Variants in IGF1R observed in about 807,000 individuals in gnomAD.
IGF1R encodes insulin like growth factor 1 receptor, also known as insulin-like growth factor 1 receptor.
In IGF1R, 44 loss-of-function variants were observed where a neutral mutation model predicts 144.6. That is an observed-to-expected ratio of 0.30 (90% CI 0.24 to 0.39). The LOEUF (loss-of-function observed/expected upper bound fraction) is 0.39, where lower values mean the gene tolerates loss of function less well. IGF1R is among the 10% of genes least tolerant of loss of function. The pLI, the probability that IGF1R is intolerant of heterozygous loss-of-function variation, is 1.00. For synonymous variants in IGF1R, 795 were observed against 722.8 expected, an observed-to-expected ratio of 1.10 and a Z score of -1.60; for missense variants, 1,355 against 1,833.7, an observed-to-expected ratio of 0.74 and a Z score of 4.77.
intron 20 of IGF1R, among the ~76,000 whole-genome samples, chr15:98,949,631 A>G (rs2016695837): frequency 6.6e-6 from 1 of 152,184 alleles, no homozygotes; most frequent in South Asian, 2.1e-4. Context: ...TCAGCCTCCC[A>G]AAGTGCTGGG....
intron 1 of IGF1R, among the ~76,000 whole-genome samples, chr15:98,699,290 C>G (rs571071995): frequency 6.6e-6 from 1 of 152,272 alleles, no homozygotes; most frequent in Admixed American, 6.5e-5. Flanking sequence ...AGGTGCTGCC[C>G]CTCGGAAGGC....
chr15:98,707,555 C>A lies in IGF1R; in HGVS notation c.95-7C>A. The A allele has an allele frequency of 1.2e-6, 2 of 1,614,028 alleles. No homozygotes were observed. Among genetic ancestry groups the A allele is most frequent in the Non-Finnish European group, 1.7e-6 (2 of 1,179,924 alleles). On this transcript the variant is annotated splice_polypyrimidine_tract_variant and splice_region_variant and intron_variant, in intron 1 of 20. Transcript: ENST00000650285. This position sits in a 1 kb window ranked among gnomAD's most constrained non-coding sequence, Gnocchi z 6.7. ...ACTGAGACGTTTACCCTCTTGTCTC[C>A]CTTCAGTCTGCGGGCCAGGCATCGA...
In IGF1R at chr15:98,960,228, C is replaced by A. The variant is rs1030896415; in HGVS notation, c.*2786C>A. The A allele has an allele frequency of 4.3e-6, 1 of 233,570 alleles. No individual in the cohort carries two copies. The highest frequency in any genetic ancestry group is 2.2e-5 in the African/African-American group (1 of 45,376). The allele number at this position is 233,570 out of a possible 1,614,324, so 14.5% of individuals were successfully genotyped here. A position where few individuals can be genotyped will look rare whatever the true frequency, so the allele number is the denominator to read the frequency against. ...GCTGTATTCCGGGGTCAAAGCAACA[C>A]TAACTCACCTCTCTGCTCATTTCAG... is the stretch of plus-strand genomic sequence containing the variant. On this transcript the variant is annotated 3_prime_UTR_variant, in exon 21 of 21. Coordinates refer to ENST00000650285, the MANE Select transcript of IGF1R (RefSeq NM_000875.5).
At chr15:98,901,561 C>G (rs1319864196) in intron 5 of IGF1R, among the ~76,000 whole-genome samples, 2 of 152,158 alleles carry the variant, frequency 1.3e-5, no homozygotes, top group Non-Finnish European at 2.9e-5. Flanking sequence ...TAGGTCTGGC[C>G]CCTTCACTAG....
chr15:98,878,397 TTTAG>T (rs2013170153), intron 2 of IGF1R, among the ~76,000 whole-genome samples: 1 of 152,080 alleles, frequency 6.6e-6, no homozygotes, highest in Non-Finnish European at 1.5e-5. Flanking sequence ...TCAATTCCAC[TTTAG>T]TTAGTCATGG....
In IGF1R at chr15:98,911,298, T is replaced by G. The variant is rs2015005499; in HGVS notation, c.1463-17T>G. On this transcript the variant is annotated splice_polypyrimidine_tract_variant and intron_variant, in intron 6 of 20. Coordinates refer to ENST00000650285, the MANE Select transcript of IGF1R (RefSeq NM_000875.5). ...CACATGAATCTCTGTCACTCACGGA[T>G]GTACTCTTTGCCCCAGGTGAAAGTG... The G allele has an allele frequency of 6.2e-7, 1 of 1,614,012 alleles. No individual in the cohort carries two copies.
At position 98,935,063 on chromosome 15, in the gene IGF1R, A is replaced by G. The variant is rs898656585; in HGVS notation, c.3186+10A>G. On this transcript the variant is annotated intron_variant, in intron 16 of 20. Coordinates refer to ENST00000650285, the MANE Select transcript of IGF1R (RefSeq NM_000875.5). This position sits in a 1 kb window ranked among gnomAD's most constrained non-coding sequence, Gnocchi z 4.2. The stretch of plus-strand genomic sequence containing the variant: ...CAATTGTCACCATGTGGTAAGAGAA[A>G]GTTCCTGAAAAGCCAAAATGCAGCA... The G allele has an allele frequency of 2.5e-6, 4 of 1,608,686 alleles. No individual in the cohort carries two copies. The highest frequency in any genetic ancestry group is 3.3e-5 in the Admixed American group (2 of 59,992).
intron 2 of IGF1R, among the ~76,000 whole-genome samples, chr15:98,854,616 C>G (rs1567162935): frequency 6.6e-6 from 1 of 152,168 alleles, no homozygotes; most frequent in Non-Finnish European, 1.5e-5. Context: ...TTTTTCCATG[C>G]CAACAGCCTC....
chr15:98,778,243 A>G (rs1056463514), intron 2 of IGF1R, among the ~76,000 whole-genome samples: 4 of 152,204 alleles, frequency 2.6e-5, no homozygotes, highest in African/African-American at 9.6e-5. Flanking sequence ...GTGACTGGTT[A>G]TCTTAGTCGT....
At chr15:98,685,699 C>T (rs2053310150) in intron 1 of IGF1R, among the ~76,000 whole-genome samples, 1 of 152,170 alleles carries the variant, frequency 6.6e-6, no homozygotes, top group Non-Finnish European at 1.5e-5. Context: ...GAAGATGGAA[C>T]AGGAGTGTGC....
intron 3 of IGF1R, among the ~76,000 whole-genome samples, chr15:98,894,514 A>T (rs995454902): frequency 1.3e-5 from 2 of 152,230 alleles, no homozygotes; most frequent in African/African-American, 2.4e-5. Context: ...ATTGAAGTAC[A>T]CTACTTGGAT....
intron 2 of IGF1R, among the ~76,000 whole-genome samples, chr15:98,811,364 C>CA (rs60239385): frequency 0.014 from 1,500 of 107,850 alleles, 18 homozygotes; most frequent in African/African-American, 0.034. Context: ...ACTAAAAATA[C>CA]AAAAAAAAAA....
chr15:98,955,651 T>C (rs1173692444), intron 20 of IGF1R, among the ~76,000 whole-genome samples: 1 of 151,874 alleles, frequency 6.6e-6, no homozygotes, highest in Admixed American at 6.6e-5. Context: ...GGTTGCACCT[T>C]CTCCACCTGA....
In IGF1R at chr15:98,822,490, A is replaced by AGTT. The variant is rs45563632; in HGVS notation, c.641-68834_641-68833insTTG. Among the ~76,000 whole-genome samples the AGTT allele has an allele frequency of 5.2e-3, 785 of 152,370 alleles. 9 individuals are homozygous for AGTT. The highest frequency in any genetic ancestry group is 0.018 in the African/African-American group (743 of 41,596). On this transcript the variant is annotated intron_variant, in intron 2 of 20. Coordinates refer to ENST00000650285, the MANE Select transcript of IGF1R (RefSeq NM_000875.5). ...CGATGTAAAGTTTGGAGCCTAACTTAGAATTTAAAATAAAATACATTTTGA... is the reference window on the plus strand; with the variant it reads ...CGATGTAAAGTTTGGAGCCTAACTTAGTTGAATTTAAAATAAAATACATTTTGA...
chr15:98,946,894 AG>A (rs1259847654), intron 19 of IGF1R, among the ~76,000 whole-genome samples: 1 of 152,268 alleles, frequency 6.6e-6, no homozygotes. Flanking sequence ...TTCCCAGACC[AG>A]CCTGCAGTCA....
In IGF1R at chr15:98,956,628, C is replaced by G. The variant is rs113164992; in HGVS notation, c.3723-433C>G. ...TGTTGGGGAAGCTGCGGTCACTCATCAGCCTTCCTGGTGAGAAACCAGGGG... is the reference window on the plus strand; with the variant it reads ...TGTTGGGGAAGCTGCGGTCACTCATGAGCCTTCCTGGTGAGAAACCAGGGG... On this transcript the variant is annotated intron_variant, in intron 20 of 20. Coordinates refer to ENST00000650285, the MANE Select transcript of IGF1R (RefSeq NM_000875.5). Among the ~76,000 whole-genome samples, 452 of 152,304 alleles carry G rather than the reference C, an allele frequency of 3.0e-3. 1 individual carries two copies. The highest frequency in any genetic ancestry group is 0.01 in the African/African-American group (428 of 41,560).
intron 1 of IGF1R, among the ~76,000 whole-genome samples, chr15:98,658,981 T>C (rs2052543271): frequency 6.6e-6 from 1 of 152,234 alleles, no homozygotes; most frequent in Non-Finnish European, 1.5e-5. Flanking sequence ...TTCGTACACA[T>C]GTCAAGTGCC....
chr15:98,694,203 T>G (rs1049215485), intron 1 of IGF1R, among the ~76,000 whole-genome samples: 1 of 152,210 alleles, frequency 6.6e-6, no homozygotes, highest in African/African-American at 2.4e-5. Flanking sequence ...TTAAGCAAAT[T>G]AACAGAGTTC....
intron 5 of IGF1R, among the ~76,000 whole-genome samples, chr15:98,903,877 G>C (rs1450711839): frequency 6.6e-6 from 1 of 152,116 alleles, no homozygotes; most frequent in Non-Finnish European, 1.5e-5. Flanking sequence ...TTGCAGAAAA[G>C]GCAAAACTAT....
Sources: gnomAD v4.1 joint callset for allele counts (sites outside exome capture counted in the v4.1 genomes callset) on GRCh38, gnomAD v4.1.1 for gene constraint, Gnocchi (gnomAD v3.1) non-coding constraint, MANE v1.5 for transcripts, NCBI Gene and HGNC (gene_info 2026-07-23, HGNC 2026-07-21) for gene names.